Variants in RAB38 observed in about 807,000 individuals in gnomAD.
RAB38 encodes RAB38, member RAS oncogene family.
A neutral mutation model predicts 18.4 loss-of-function variants in RAB38; 15 were observed. That is an observed-to-expected ratio of 0.82 (90% CI 0.55 to 1.26). The LOEUF is 1.26. RAB38 is among the 50% of genes most tolerant of loss of function. The probability of loss-of-function intolerance (pLI) is 0.00; values close to 1 mark genes in which losing one functional copy is unlikely to be tolerated. For synonymous variants in RAB38, 101 were observed against 104.4 expected (o/e 0.97, Z 0.20); for missense variants, 294 against 267.4 (o/e 1.10, Z -0.69).
the RAB38 span, among the ~76,000 whole-genome samples, chr11:88,004,391 C>G: frequency 6.6e-6 from 1 of 150,928 alleles, no homozygotes; most frequent in Non-Finnish European, 1.5e-5. Context: ...AACAGGATCA[C>G]CACACACAAA....
At chr11:87,904,963 C>T in the RAB38 span, among the ~76,000 whole-genome samples, 1 of 151,704 alleles carries the variant, frequency 6.6e-6, no homozygotes, top group Non-Finnish European at 1.5e-5. Context: ...TATTTTTCCA[C>T]CATCCCTCTC....
intron 1 of RAB38, among the ~76,000 whole-genome samples, chr11:88,174,620 C>CAAAAAAAAAAAAAAAAAAA (rs60026669): frequency 2.0e-5 from 2 of 101,124 alleles, no homozygotes; most frequent in African/African-American, 7.7e-5. Context: ...AAGCAAAAAG[C>CAAAAAAAAAAAAAAAAAAA]AAAAAAAAAA....
At chr11:87,870,912 C>T in the RAB38 span, among the ~76,000 whole-genome samples, 1 of 151,634 alleles carries the variant, frequency 6.6e-6, no homozygotes, top group African/African-American at 2.4e-5. Flanking sequence ...AATATTTAAT[C>T]CTGCATCTTA....
chr11:87,838,361 A>G, the RAB38 span, among the ~76,000 whole-genome samples: 23 of 152,200 alleles, frequency 1.5e-4, no homozygotes, highest in Non-Finnish European at 3.1e-4. Flanking sequence ...TGATCCGCCC[A>G]CCTTGGCCTC....
At chr11:87,851,616 A>G in the RAB38 span, among the ~76,000 whole-genome samples, 1 of 152,206 alleles carries the variant, frequency 6.6e-6, no homozygotes, top group South Asian at 2.1e-4. Context: ...AAAGGTAAGA[A>G]AAACAGATAG....
chr11:87,870,834 A>G, the RAB38 span, among the ~76,000 whole-genome samples: 1 of 151,616 alleles, frequency 6.6e-6, no homozygotes, highest in African/African-American at 2.4e-5. Context: ...TGTATGGAAT[A>G]ACTATCATTG....
At chr11:87,928,117 AGAAG>A in the RAB38 span, among the ~76,000 whole-genome samples, 4 of 152,044 alleles carry the variant, frequency 2.6e-5, 1 homozygote, top group South Asian at 6.2e-4. Context: ...AAAGAAAGAA[AGAAG>A]GAAGAGAGAG....
At chr11:88,027,544 T>TA in the RAB38 span, among the ~76,000 whole-genome samples, 1 of 152,172 alleles carries the variant, frequency 6.6e-6, no homozygotes, top group Non-Finnish European at 1.5e-5. Flanking sequence ...CTGACGGCCT[T>TA]AAAAAACGGC....
intron 2 of RAB38, among the ~76,000 whole-genome samples, chr11:88,131,579 A>G (rs1942768401): frequency 6.6e-6 from 1 of 152,208 alleles, no homozygotes; most frequent in East Asian, 1.9e-4. Context: ...ATCTATGGCC[A>G]TACCACTTTG....
At chr11:87,942,676 G>A in the RAB38 span, among the ~76,000 whole-genome samples, 1 of 152,090 alleles carries the variant, frequency 6.6e-6, no homozygotes, top group Non-Finnish European at 1.5e-5. Context: ...GAACACTAGG[G>A]AGTACCTACA....
chr11:88,037,933 A>C, the RAB38 span, among the ~76,000 whole-genome samples: 19 of 152,308 alleles, frequency 1.2e-4, no homozygotes, highest in African/African-American at 4.6e-4. Context: ...CAAAAGGTAT[A>C]AACAATCATA....
the RAB38 span, among the ~76,000 whole-genome samples, chr11:87,904,981 TAA>T: frequency 5.3e-5 from 8 of 151,768 alleles, no homozygotes; most frequent in Non-Finnish European, 1.2e-4. Flanking sequence ...CTCCCATCCC[TAA>T]GTCTCTTTTG....
the RAB38 span, among the ~76,000 whole-genome samples, chr11:87,903,999 T>A: frequency 6.6e-6 from 1 of 151,716 alleles, no homozygotes; most frequent in Admixed American, 6.6e-5. Flanking sequence ...ATTCTATGTA[T>A]TATTTGTTTT....
chr11:87,917,050 G>T, the RAB38 span, among the ~76,000 whole-genome samples: 261 of 152,274 alleles, frequency 1.7e-3, no homozygotes, highest in African/African-American at 6.0e-3. Context: ...TGGCAGGGAA[G>T]CAGGGGAGAG....
the RAB38 span, among the ~76,000 whole-genome samples, chr11:87,893,145 C>A: frequency 4.0e-5 from 6 of 151,306 alleles, no homozygotes; most frequent in African/African-American, 1.5e-4. Flanking sequence ...GGGATACTTT[C>A]TCTTCGTCTT....
At chr11:88,038,509 A>G in the RAB38 span, among the ~76,000 whole-genome samples, 1 of 152,140 alleles carries the variant, frequency 6.6e-6, no homozygotes, top group Non-Finnish European at 1.5e-5. Flanking sequence ...TTCCAACTAG[A>G]CTGAGTTCTT....
At chr11:87,968,453 T>C in the RAB38 span, among the ~76,000 whole-genome samples, 1 of 152,170 alleles carries the variant, frequency 6.6e-6, no homozygotes, top group East Asian at 1.9e-4. Context: ...AGAAGTAATA[T>C]GGACACTTCT....
chr11:87,880,883 C>T, the RAB38 span, among the ~76,000 whole-genome samples: 8 of 151,880 alleles, frequency 5.3e-5, no homozygotes, highest in South Asian at 1.7e-3. Context: ...ACTTCATGAA[C>T]TATGTTCATA....
the RAB38 span, among the ~76,000 whole-genome samples, chr11:87,928,435 A>G: frequency 3.3e-4 from 50 of 152,176 alleles, no homozygotes; most frequent in South Asian, 0.01. Flanking sequence ...ACAAGATGAT[A>G]TTGAGTCATC....
Sources: allele counts gnomAD v4.1 joint callset (sites outside exome capture counted in the v4.1 genomes callset), GRCh38; gene constraint gnomAD v4.1.1; transcripts MANE v1.5; gene names NCBI Gene and HGNC (gene_info 2026-07-23, HGNC 2026-07-21).